DLGAP2: variants seen among roughly 807,000 people sequenced by gnomAD.
DLGAP2 encodes disks large-associated protein 2.
In DLGAP2, 26 loss-of-function variants were observed where a neutral mutation model predicts 100.3. That is an observed-to-expected ratio of 0.26 (90% confidence interval 0.19 to 0.36). The LOEUF (loss-of-function observed/expected upper bound fraction) is 0.36. Among genes scored for constraint, DLGAP2 ranks in the 10% least tolerant of loss-of-function variants. DLGAP2 has a pLI of 1.00. For synonymous variants in DLGAP2, 886 were observed against 630.1 expected, an observed-to-expected ratio of 1.41 and a Z score of -6.08; for missense variants, 1,858 against 1,453.2, an observed-to-expected ratio of 1.28 and a Z score of -4.53.
At chr8:1,338,071 C>T (rs1007030299) in intron 3 of DLGAP2, among the ~76,000 whole-genome samples, 1 of 152,224 alleles carries the variant, frequency 6.6e-6, no homozygotes, top group Non-Finnish European at 1.5e-5. Flanking sequence ...CCAGGCCCTT[C>T]AGAGACAGCC....
At chr8:1,556,738 C>G (rs1801978188) in intron 5 of DLGAP2, among the ~76,000 whole-genome samples, 1 of 152,186 alleles carries the variant, frequency 6.6e-6, no homozygotes, top group Admixed American at 6.5e-5. Context: ...CAGCTGAACT[C>G]TAAACCTAAC....
intron 4 of DLGAP2, among the ~76,000 whole-genome samples, chr8:1,528,264 C>T (rs992030425): frequency 6.6e-6 from 1 of 152,224 alleles, no homozygotes; most frequent in Non-Finnish European, 1.5e-5. Context: ...CAAGCAGGAG[C>T]CCACCCCAGG....
chr8:1,306,784 C>A (rs117262934), intron 3 of DLGAP2, among the ~76,000 whole-genome samples: 1,889 of 152,230 alleles, frequency 0.012, 21 homozygotes, highest in South Asian at 0.041. Flanking sequence ...GTGCCAAGAC[C>A]ATTCAATGGA....
intron 2 of DLGAP2, among the ~76,000 whole-genome samples, chr8:1,257,562 A>G (rs1424030541): frequency 6.6e-6 from 1 of 152,032 alleles, no homozygotes; most frequent in African/African-American, 2.4e-5. Flanking sequence ...TTGTCCTTCA[A>G]GGTTCAGGCC....
At chr8:1,316,704 G>A (rs540488416) in intron 3 of DLGAP2, among the ~76,000 whole-genome samples, 3 of 138,582 alleles carry the variant, frequency 2.2e-5, no homozygotes, top group Non-Finnish European at 4.6e-5. Context: ...TGAGTGCAGT[G>A]TCTATCCCAT....
At chr8:1,314,901 A>G (rs1005749297) in intron 3 of DLGAP2, among the ~76,000 whole-genome samples, 1 of 152,120 alleles carries the variant, frequency 6.6e-6, no homozygotes, top group Non-Finnish European at 1.5e-5. Context: ...AAAATACTAC[A>G]TGTTTCCTTT....
intron 12 of DLGAP2, among the ~76,000 whole-genome samples, chr8:1,684,379 G>A (rs1347211981): frequency 6.6e-6 from 1 of 151,970 alleles, no homozygotes; most frequent in Non-Finnish European, 1.5e-5. Context: ...TGTTTAAAAG[G>A]TAAGATGATA....
At chr8:892,197 C>T (rs1179041497) in intron 1 of DLGAP2, among the ~76,000 whole-genome samples, 1 of 152,134 alleles carries the variant, frequency 6.6e-6, no homozygotes, top group East Asian at 1.9e-4. Context: ...CCGTTCCCCT[C>T]CTGAGTTGAT....
At position 1,668,577 on chromosome 8, in the gene DLGAP2, C is replaced by T. The variant is rs200429549; in HGVS notation, c.2059C>T (p.Pro687Ser). ...AACGGCCGCTGCCCAGCGCCACCTGCCAGAGAGCCAGAGCAGCTCTGTGCG... is the reference window on the plus strand; with the variant it reads ...AACGGCCGCTGCCCAGCGCCACCTGTCAGAGAGCCAGAGCAGCTCTGTGCG... Reference protein sequence around the residue: ...LETAAAQRHLPESQSSSVRTS... With the variant: ...LETAAAQRHLSESQSSSVRTS... Residue 687 changes from proline (P) to serine (S), a missense_variant, in exon 9 of 15, where the codon CCA becomes TCA. Pro to Ser is a moderately conservative substitution (Grantham distance 74). Coordinates refer to ENST00000637795, the MANE Select transcript of DLGAP2 (RefSeq NM_001346810.2). 472 of 1,595,226 alleles carry T rather than the reference C, an allele frequency of 3.0e-4. 1 individual carries two copies. In the African/African-American group the frequency reaches 5.9e-3, roughly 20 times the overall value.
intron 2 of DLGAP2, among the ~76,000 whole-genome samples, chr8:1,253,526 G>A (rs1799099114): frequency 6.6e-6 from 1 of 152,256 alleles, no homozygotes; most frequent in African/African-American, 2.4e-5. Context: ...AATTTACACA[G>A]GAGATGCTGC....
At chr8:944,052 G>T (rs942186814) in intron 2 of DLGAP2, among the ~76,000 whole-genome samples, 6 of 152,270 alleles carry the variant, frequency 3.9e-5, no homozygotes, top group African/African-American at 1.4e-4. Flanking sequence ...TTTTGGCGTA[G>T]AGACCATTTG....
Position 1,258,979 on chromosome 8 carries a change from C to A in DLGAP2, c.106+96C>A, listed in dbSNP as rs999764058. 1.2e-5 allele frequency: 13 copies of A among 1,055,302 alleles called. No homozygotes were observed. In the African/African-American group the frequency reaches 2.1e-4, roughly 17 times the overall value. 65.4% of individuals were successfully genotyped at this position (1,055,302 alleles called of 1,614,324 possible). ...CTACCATGAAACGTGTTGGAGAGAA[C>A]CTTGAACATTGAGGACGCAGTCTGT... On this transcript the variant is annotated intron_variant, in intron 3 of 14. Coordinates refer to ENST00000637795, the MANE Select transcript of DLGAP2 (RefSeq NM_001346810.2).
intron 2 of DLGAP2, among the ~76,000 whole-genome samples, chr8:1,190,749 C>G (rs1474843229): frequency 6.6e-6 from 1 of 152,148 alleles, no homozygotes. Context: ...GTCCTTACAC[C>G]AGGGGCAGAC....
chr8:1,598,442 C>G (rs560698011), intron 6 of DLGAP2, among the ~76,000 whole-genome samples: 1 of 152,288 alleles, frequency 6.6e-6, no homozygotes, highest in South Asian at 2.1e-4. Context: ...AGGAATGGTA[C>G]CAGCTCCTCT....
At chr8:1,517,318 G>A (rs1800427381) in intron 4 of DLGAP2, among the ~76,000 whole-genome samples, 1 of 152,168 alleles carries the variant, frequency 6.6e-6, no homozygotes, top group Non-Finnish European at 1.5e-5. Context: ...GCCAGACCTA[G>A]GCAGGGATGG....
chr8:933,441 G>T (rs1799005066), intron 2 of DLGAP2, among the ~76,000 whole-genome samples: 1 of 149,530 alleles, frequency 6.7e-6, no homozygotes, highest in Admixed American at 6.6e-5. Flanking sequence ...CTGGCTGTGG[G>T]CACGAGGGGA....
At chr8:1,377,445 G>C (rs1404740094) in intron 3 of DLGAP2, among the ~76,000 whole-genome samples, 2 of 152,254 alleles carry the variant, frequency 1.3e-5, no homozygotes, top group Admixed American at 6.5e-5. Flanking sequence ...TCTGGAGGCT[G>C]AGACAGGATA....
At chr8:1,333,398 G>A (rs1452937242) in intron 3 of DLGAP2, among the ~76,000 whole-genome samples, 1 of 152,172 alleles carries the variant, frequency 6.6e-6, no homozygotes, top group Non-Finnish European at 1.5e-5. Flanking sequence ...ATATTCTAAT[G>A]TCCAGGGCCG....
chr8:1,256,375 C>CTG (rs1563044857), intron 2 of DLGAP2, among the ~76,000 whole-genome samples: 2 of 127,238 alleles, frequency 1.6e-5, no homozygotes. Context: ...TGTGTGTGTC[C>CTG]TCTCATCCTG....
Sources: allele counts gnomAD v4.1 joint callset (sites outside exome capture counted in the v4.1 genomes callset), GRCh38; gene constraint gnomAD v4.1.1; transcripts MANE v1.5; gene names NCBI Gene and HGNC (gene_info 2026-07-23, HGNC 2026-07-21).